The following CEP63 variants were observed in gnomAD, a reference collection of about 807,000 sequenced individuals.
CEP63 encodes the protein centrosomal protein 63.
CEP63 carries 84 observed loss-of-function variants against 89.1 expected under a neutral mutation model. The ratio of observed to expected loss-of-function variants is 0.94; its 90% confidence interval spans 0.79 to 1.13. CEP63 has a LOEUF of 1.13. Among genes scored for constraint, CEP63 ranks in the 50% most tolerant of loss-of-function variants. The pLI is 0.00. For synonymous variants in CEP63, 267 were observed against 272.5 expected (o/e 0.98, Z 0.20); for missense variants, 838 against 813.3 (o/e 1.03, Z -0.37).
chr3:134,599,743 T>C, the CEP63 span, among the ~76,000 whole-genome samples: 2 of 152,216 alleles, frequency 1.3e-5, no homozygotes, highest in East Asian at 1.9e-4. Flanking sequence ...CTGATTATGT[T>C]TTCTTTAATG....
chr3:134,697,278 G>C, the CEP63 span, among the ~76,000 whole-genome samples: 1 of 150,956 alleles, frequency 6.6e-6, no homozygotes, highest in African/African-American at 2.4e-5. Flanking sequence ...ACATAAAGAA[G>C]AACTTTTTTT....
In CEP63 at chr3:134,561,801, G is replaced by C; in HGVS notation, c.*266G>C. ...TCATACGAATATTTATTATCATAAA[G>C]TGATACTTACCTTGCTGACTTAAAT... On this transcript the variant is annotated 3_prime_UTR_variant, in exon 15 of 15. Coordinates refer to ENST00000675561, the MANE Select transcript of CEP63 (RefSeq NM_001353108.3). The C allele has an allele frequency of 4.0e-6, 5 of 1,255,464 alleles. No individual in the cohort carries two copies. The highest frequency in any genetic ancestry group is 5.0e-6 in the Non-Finnish European group (5 of 992,228). The allele number at this position is 1,255,464 out of a possible 1,614,324, so 77.8% of individuals were successfully genotyped here.
chr3:134,538,555 G>A (rs9814118), intron 6 of CEP63, among the ~76,000 whole-genome samples: 140 of 41,974 alleles, frequency 3.3e-3, no homozygotes, highest in Non-Finnish European at 5.3e-3. Flanking sequence ...ATATATATAT[G>A]TATATATATA....
chr3:134,640,139 G>A, the CEP63 span, among the ~76,000 whole-genome samples: 1 of 151,644 alleles, frequency 6.6e-6, no homozygotes, highest in Non-Finnish European at 1.5e-5. Context: ...TGAAAGAGAG[G>A]CTGAGGAGGA....
At chr3:134,615,334 G>T in the CEP63 span, 1 of 137,736 alleles carries the variant, frequency 7.3e-6, no homozygotes, top group Non-Finnish European at 1.5e-5. Context: ...TTGTCCTGAT[G>T]CATAGTTCAA....
the CEP63 span, among the ~76,000 whole-genome samples, chr3:134,679,035 G>A: frequency 2.7e-5 from 4 of 150,482 alleles, no homozygotes; most frequent in Non-Finnish European, 4.4e-5. Flanking sequence ...TTGTATACTG[G>A]GTGTTAAGAG....
At chr3:134,758,039 C>T in the CEP63 span, among the ~76,000 whole-genome samples, 70 of 152,194 alleles carry the variant, frequency 4.6e-4, 1 homozygote, top group East Asian at 0.012. Flanking sequence ...AAAATCATCA[C>T]GATGATGTAT....
At chr3:134,618,944 T>C in the CEP63 span, among the ~76,000 whole-genome samples, 1 of 152,212 alleles carries the variant, frequency 6.6e-6, no homozygotes, top group Non-Finnish European at 1.5e-5. Context: ...TGTTAATGCA[T>C]CGCGAAGCCC....
chr3:134,602,245 C>A, the CEP63 span, among the ~76,000 whole-genome samples: 2 of 152,136 alleles, frequency 1.3e-5, no homozygotes, highest in Non-Finnish European at 2.9e-5. Context: ...GCCTCTCTCG[C>A]CTTTCCCTCT....
At chr3:134,571,365 A>T (rs1053350869) in intron 11 of CEP63, among the ~76,000 whole-genome samples, 7 of 152,196 alleles carry the variant, frequency 4.6e-5, no homozygotes, top group Admixed American at 3.3e-4. Context: ...TGGACCCCTC[A>T]GAATAATGAC....
intron 10 of CEP63, among the ~76,000 whole-genome samples, chr3:134,586,878 C>T (rs1171184314): frequency 6.6e-6 from 1 of 152,084 alleles, no homozygotes; most frequent in Non-Finnish European, 1.5e-5. Flanking sequence ...TTCTTGTAGG[C>T]TTTGTTTGTT....
At chr3:134,547,614 C>CTTTTTTTTTTTTTTTTTTTTTTTG (rs62656962) in intron 9 of CEP63, 142 bp downstream of exon 9, 1 of 224,274 alleles carries the variant, frequency 4.5e-6, no homozygotes, top group African/African-American at 2.9e-5. Flanking sequence ...GTTCTTATTT[C>CTTTTTTTTTTTTTTTTTTTTTTTG]TTTTTTTTTT....
rs955270180 is a variant in CEP63, at chr3:134,551,896, A to G, written c.1381-30A>G. ...AAGATGCATGTGATTTACATGTTAT[A>G]TTTATTTTTTTCTGTTTTCCCCTTT... On this transcript the variant is annotated intron_variant, in intron 11 of 14. Transcript: ENST00000675561. 4.1e-6 allele frequency: 6 copies of G among 1,481,160 alleles called. No homozygotes were observed. In the African/African-American group the frequency reaches 6.9e-5, roughly 17 times the overall value. 91.8% of individuals were successfully genotyped at this position (1,481,160 alleles called of 1,614,324 possible). A position where few individuals can be genotyped will look rare whatever the true frequency, so the allele number is the denominator to read the frequency against.
intron 3 of CEP63, among the ~76,000 whole-genome samples, chr3:134,530,772 A>G (rs1352069581): frequency 6.6e-6 from 1 of 152,180 alleles, no homozygotes; most frequent in Non-Finnish European, 1.5e-5. Context: ...CAAGTTTCTT[A>G]CAAAAATAAA....
At chr3:134,538,198 GTTT>G (rs66539157) in intron 6 of CEP63, among the ~76,000 whole-genome samples, 2,844 of 112,604 alleles carry the variant, frequency 0.025, 67 homozygotes, top group African/African-American at 0.075. Flanking sequence ...AGAAGGGAGG[GTTT>G]TTTTTTTTTT....
the CEP63 span, among the ~76,000 whole-genome samples, chr3:134,612,787 G>GTGTGTA: frequency 6.6e-6 from 1 of 151,576 alleles, no homozygotes; most frequent in East Asian, 2.0e-4. Context: ...GTGTGTGTGT[G>GTGTGTA]TGTGTGTGTT....
chr3:134,556,768 A>T (rs577046169), intron 12 of CEP63, among the ~76,000 whole-genome samples: 1 of 152,284 alleles, frequency 6.6e-6, no homozygotes, highest in East Asian at 1.9e-4. Flanking sequence ...AGACAGCTAG[A>T]TGTGTGCTCG....
chr3:134,581,603 G>A (rs1229226320), intron 10 of CEP63, among the ~76,000 whole-genome samples: 1 of 149,408 alleles, frequency 6.7e-6, no homozygotes, highest in Non-Finnish European at 1.5e-5. Context: ...AAACAAACAA[G>A]CAAACAAAAA....
chr3:134,662,000 GGGCATGGT>G, the CEP63 span, among the ~76,000 whole-genome samples: 2 of 152,222 alleles, frequency 1.3e-5, no homozygotes, highest in Non-Finnish European at 2.9e-5. Flanking sequence ...GGTGCCGGCT[GGGCATGGT>G]GGCTCATGCC....
Sources: allele counts gnomAD v4.1 joint callset (sites outside exome capture counted in the v4.1 genomes callset), GRCh38; gene constraint gnomAD v4.1.1; transcripts MANE v1.5; gene names NCBI Gene and HGNC (gene_info 2026-07-23, HGNC 2026-07-21).